MKLN1: variants seen among roughly 807,000 people sequenced by gnomAD.
MKLN1 encodes muskelin.
A neutral mutation model predicts 99.0 loss-of-function variants in MKLN1; 18 were observed. The ratio of observed to expected loss-of-function variants is 0.18; its 90% CI spans 0.13 to 0.27. The LOEUF (loss-of-function observed/expected upper bound fraction) is 0.27, where lower values mean the gene tolerates loss of function less well. Among genes scored for constraint, MKLN1 ranks in the 10% least tolerant of loss-of-function variants. MKLN1 has a pLI of 1.00. For missense variants in MKLN1, 621 were observed against 875.9 expected, an observed-to-expected ratio of 0.71 and a Z score of 3.67; for synonymous variants, 288 against 293.2, an observed-to-expected ratio of 0.98 and a Z score of 0.18.
At chr7:131,321,428 G>C (rs1327506696) in intron 3 of MKLN1, among the ~76,000 whole-genome samples, 2 of 152,026 alleles carry the variant, frequency 1.3e-5, no homozygotes, top group Non-Finnish European at 2.9e-5. Context: ...AGTCGGGGTG[G>C]GGCCAAGGGA....
Position 131,496,487 on chromosome 7 carries a change from G to C in MKLN1, c.*8759G>C, listed in dbSNP as rs1245672819. On this transcript the variant is annotated 3_prime_UTR_variant, in exon 18 of 18. Transcript: ENST00000352689. ...AAATAATTTTCAGATCCCAGCTTTG[G>C]TAAATGTGTTAATTCTACTTTGTGA... 2.0e-5 allele frequency: 3 copies of C among 151,728 alleles called. No homozygotes were observed. Among genetic ancestry groups the C allele is most frequent in the Non-Finnish European group, 2.9e-5 (2 of 68,004 alleles). The allele number at this position is 151,728 out of a possible 1,614,324, so 9.4% of individuals were successfully genotyped here.
chr7:131,367,279 G>C (rs1433193816), intron 1 of MKLN1, among the ~76,000 whole-genome samples: 4 of 152,114 alleles, frequency 2.6e-5, no homozygotes, highest in Non-Finnish European at 5.9e-5. Flanking sequence ...AGCCATTTTA[G>C]TCTTCAGCCC....
chr7:131,460,781 G>A (rs1796492991), intron 12 of MKLN1, among the ~76,000 whole-genome samples: 1 of 152,128 alleles, frequency 6.6e-6, no homozygotes, highest in African/African-American at 2.4e-5. Context: ...GCCATAGTTT[G>A]CCAAGCCATG....
chr7:131,442,013 A>G (rs1048280053), intron 10 of MKLN1, among the ~76,000 whole-genome samples: 4 of 152,232 alleles, frequency 2.6e-5, no homozygotes, highest in Non-Finnish European at 5.9e-5. Flanking sequence ...TGTTTTCAGC[A>G]GTGTGCTGAT....
intron 1 of MKLN1, 191 bp downstream of exon 1, chr7:131,328,188 G>A: frequency 2.9e-6 from 2 of 691,296 alleles, no homozygotes; most frequent in East Asian, 2.8e-5. Context: ...GTTAGGGTCC[G>A]GAGAGCGAGC....
At chr7:131,355,628 C>CCATATATATA (rs780680120) in intron 1 of MKLN1, among the ~76,000 whole-genome samples, 2 of 136,906 alleles carry the variant, frequency 1.5e-5, no homozygotes, top group African/African-American at 5.7e-5. Flanking sequence ...TAACTTGATA[C>CCATATATATA]TATATATATA....
intron 2 of MKLN1, among the ~76,000 whole-genome samples, chr7:131,161,961 GTGTATATA>G (rs1318703297): frequency 0.016 from 1,270 of 81,048 alleles, 26 homozygotes; most frequent in South Asian, 0.032. Context: ...GTGTGTGTGT[GTGTATATA>G]TATATATATA....
At chr7:131,189,757 C>T (rs1016655483) in intron 2 of MKLN1, among the ~76,000 whole-genome samples, 1 of 152,062 alleles carries the variant, frequency 6.6e-6, no homozygotes, top group South Asian at 2.1e-4. Flanking sequence ...ATTAGACGCC[C>T]GTTGACTCAG....
chr7:131,294,017 C>T (rs2116604974), intron 3 of MKLN1, among the ~76,000 whole-genome samples: 1 of 149,910 alleles, frequency 6.7e-6, no homozygotes, highest in East Asian at 1.9e-4. Flanking sequence ...CAGTAGCACA[C>T]CCAGTCATGA....
At chr7:131,384,489 CAAA>C (rs1300264703) in intron 2 of MKLN1, among the ~76,000 whole-genome samples, 1 of 151,988 alleles carries the variant, frequency 6.6e-6, no homozygotes, top group Non-Finnish European at 1.5e-5. Context: ...CTGGAAGAGG[CAAA>C]GAAGGATCCT....
chr7:131,133,250 C>T lies in MKLN1; in HGVS notation c.-418-9570C>T, dbSNP rs183584404. 6.7e-3 allele frequency among the ~76,000 whole-genome samples: 1,013 copies of T among 152,008 alleles called. 8 individuals are homozygous for T. The highest frequency in any genetic ancestry group is 0.011 in the Non-Finnish European group (714 of 67,978). ...ACCTTCTTTCCAGCCTTACCTGCTT[C>T]CCTCCTGGCAACTTCAAAGACGAGT... On this transcript the variant is annotated intron_variant, in intron 1 of 7. Transcript: ENST00000416992.
chr7:131,284,136 A>G (rs1034468521), intron 3 of MKLN1, among the ~76,000 whole-genome samples: 1 of 152,176 alleles, frequency 6.6e-6, no homozygotes, highest in Admixed American at 6.5e-5. Context: ...TCTAGGGAAT[A>G]TATCTAGAAC....
chr7:131,211,439 TAA>T (rs1375906454), intron 3 of MKLN1, among the ~76,000 whole-genome samples: 1 of 152,232 alleles, frequency 6.6e-6, no homozygotes, highest in African/African-American at 2.4e-5. Context: ...CTTCAAAGGC[TAA>T]GTCTCTTGTA....
intron 1 of MKLN1, among the ~76,000 whole-genome samples, chr7:131,127,514 A>G (rs745307868): frequency 6.6e-5 from 10 of 152,346 alleles, no homozygotes; most frequent in African/African-American, 1.7e-4. Flanking sequence ...GTCACTGAAC[A>G]TGTGTGTCAC....
intron 2 of MKLN1, among the ~76,000 whole-genome samples, chr7:131,145,397 T>A (rs1795802887): frequency 1.3e-5 from 2 of 151,596 alleles, no homozygotes. Flanking sequence ...GATGTAGCTT[T>A]AAAAAAAAAT....
intron 2 of MKLN1, among the ~76,000 whole-genome samples, chr7:131,383,657 C>T (rs1037906929): frequency 6.6e-6 from 1 of 152,152 alleles, no homozygotes; most frequent in Non-Finnish European, 1.5e-5. Context: ...GTTTCTTTGC[C>T]AGTTCTTTCC....
intron 3 of MKLN1, among the ~76,000 whole-genome samples, chr7:131,256,196 A>T (rs1229951073): frequency 1.3e-5 from 2 of 152,176 alleles, no homozygotes; most frequent in Admixed American, 6.5e-5. Context: ...GTGAGCCACC[A>T]TTCCCAGCCT....
chr7:131,196,375 G>T (rs529952314), intron 2 of MKLN1, among the ~76,000 whole-genome samples: 1 of 152,130 alleles, frequency 6.6e-6, no homozygotes, highest in Non-Finnish European at 1.5e-5. Context: ...TCTTCAGAAC[G>T]TCAATCAAGT....
At chr7:131,247,235 C>CTTTTTTTTTTTTTTTTTTTTT (rs72068521) in intron 3 of MKLN1, among the ~76,000 whole-genome samples, 6 of 141,144 alleles carry the variant, frequency 4.3e-5, no homozygotes, top group Non-Finnish European at 4.6e-5. Context: ...TTTCTTTTTT[C>CTTTTTTTTTTTTTTTTTTTTT]TTTTTTTTTT....
Sources: gnomAD v4.1 joint callset for allele counts (sites outside exome capture counted in the v4.1 genomes callset) on GRCh38, gnomAD v4.1.1 for gene constraint, MANE v1.5 for transcripts, NCBI Gene and HGNC (gene_info 2026-07-23, HGNC 2026-07-21) for gene names.